The following GALNTL6 variants were observed in gnomAD, a reference collection of about 807,000 sequenced individuals.
GALNTL6 encodes polypeptide N-acetylgalactosaminyltransferase-like 6.
GALNTL6 carries 46 observed loss-of-function variants against 73.7 expected under a neutral mutation model. The observed-to-expected ratio is 0.62, with a 90% CI of 0.49 to 0.80. The LOEUF (loss-of-function observed/expected upper bound fraction) is 0.80, where lower values mean the gene tolerates loss of function less well. Ranked by LOEUF, GALNTL6 falls within the 30% of genes least tolerant of loss-of-function variation. GALNTL6 has a pLI of 0.00. For missense variants in GALNTL6, 604 were observed against 755.0 expected (o/e 0.80, Z 2.34); for synonymous variants, 259 against 263.7 (o/e 0.98, Z 0.17).
chr4:173,000,584 C>G (rs917271504), intron 10 of GALNTL6, among the ~76,000 whole-genome samples: 7 of 152,074 alleles, frequency 4.6e-5, no homozygotes, highest in African/African-American at 1.7e-4. Flanking sequence ...CTCAAAGGAA[C>G]CTGAATAATG....
intron 5 of GALNTL6, among the ~76,000 whole-genome samples, chr4:172,584,531 G>A (rs1016324238): frequency 2.0e-5 from 3 of 152,112 alleles, no homozygotes; most frequent in Non-Finnish European, 2.9e-5. Context: ...TGAAGAGAAG[G>A]GGATAGATAG....
chr4:172,184,848 T>G (rs1735369055), intron 2 of GALNTL6, among the ~76,000 whole-genome samples: 2 of 152,174 alleles, frequency 1.3e-5, no homozygotes, highest in African/African-American at 4.8e-5. Flanking sequence ...AGAGAGAGTG[T>G]GTTTTAAAGG....
chr4:171,859,389 C>T (rs1005087049), intron 2 of GALNTL6, among the ~76,000 whole-genome samples: 2 of 152,094 alleles, frequency 1.3e-5, no homozygotes, highest in Non-Finnish European at 2.9e-5. Context: ...GAACAATCTT[C>T]ACTCATCCAT....
At chr4:172,041,087 GT>G (rs1249681565) in intron 2 of GALNTL6, among the ~76,000 whole-genome samples, 3 of 151,950 alleles carry the variant, frequency 2.0e-5, no homozygotes, top group Non-Finnish European at 4.4e-5. Flanking sequence ...ATGTCTAATT[GT>G]TTTTTTATTT....
chr4:172,520,961 T>C (rs1734756617), intron 5 of GALNTL6, among the ~76,000 whole-genome samples: 1 of 152,070 alleles, frequency 6.6e-6, no homozygotes, highest in Non-Finnish European at 1.5e-5. Flanking sequence ...AACTTGTTAG[T>C]CAAAAATAGA....
intron 3 of GALNTL6, among the ~76,000 whole-genome samples, chr4:172,276,035 A>G (rs1420285750): frequency 1.3e-5 from 2 of 152,184 alleles, no homozygotes; most frequent in African/African-American, 2.4e-5. Context: ...TGCAATAGTT[A>G]TAATATTTTT....
chr4:171,958,397 C>T (rs1218348118), intron 2 of GALNTL6, among the ~76,000 whole-genome samples: 3 of 151,782 alleles, frequency 2.0e-5, no homozygotes, highest in Admixed American at 6.6e-5. Context: ...TCAGGGTGGA[C>T]GGAATATGCA....
At chr4:172,019,597 G>T (rs1450224747) in intron 2 of GALNTL6, among the ~76,000 whole-genome samples, 2 of 152,040 alleles carry the variant, frequency 1.3e-5, no homozygotes, top group African/African-American at 2.4e-5. Context: ...ATGAAAAAGT[G>T]GTCAACTCAG....
At chr4:172,287,581 T>G (rs1739307959) in intron 3 of GALNTL6, among the ~76,000 whole-genome samples, 1 of 152,200 alleles carries the variant, frequency 6.6e-6, no homozygotes, top group Non-Finnish European at 1.5e-5. Flanking sequence ...AAAAATGTAC[T>G]TGCCAAGTCT....
intron 5 of GALNTL6, among the ~76,000 whole-genome samples, chr4:172,501,530 ATCAG>A (rs1273342086): frequency 7.9e-5 from 12 of 152,142 alleles, no homozygotes; most frequent in African/African-American, 2.7e-4. Flanking sequence ...AAAATTCATC[ATCAG>A]TCAGAATGAG....
chr4:173,004,811 G>A (rs1210766015), intron 10 of GALNTL6, among the ~76,000 whole-genome samples: 1 of 152,112 alleles, frequency 6.6e-6, no homozygotes, highest in East Asian at 1.9e-4. Context: ...GATAGGACTG[G>A]TTCTTTTTTA....
At chr4:171,934,262 G>A (rs900118431) in intron 2 of GALNTL6, among the ~76,000 whole-genome samples, 3 of 152,188 alleles carry the variant, frequency 2.0e-5, no homozygotes, top group Non-Finnish European at 4.4e-5. Flanking sequence ...AATATTTAGG[G>A]GACATTTCAA....
chr4:172,356,109 G>A (rs1742145517), intron 5 of GALNTL6, among the ~76,000 whole-genome samples: 1 of 152,110 alleles, frequency 6.6e-6, no homozygotes, highest in African/African-American at 2.4e-5. Flanking sequence ...GCTTTTAGAA[G>A]CAAAACTGTT....
chr4:172,772,505 C>T (rs187518683), intron 5 of GALNTL6, among the ~76,000 whole-genome samples: 89 of 152,172 alleles, frequency 5.8e-4, no homozygotes, highest in African/African-American at 2.0e-3. Context: ...TATATGTTTC[C>T]GTGGCTCAGG....
chr4:172,667,120 T>A (rs1731708471), intron 5 of GALNTL6: 1 of 152,236 alleles, frequency 6.6e-6, no homozygotes, highest in Non-Finnish European at 1.5e-5. Context: ...AGGCTTTCCC[T>A]ATCATGTCCA....
At chr4:172,286,712 G>T (rs1001032502) in intron 3 of GALNTL6, among the ~76,000 whole-genome samples, 1 of 152,134 alleles carries the variant, frequency 6.6e-6, no homozygotes, top group Non-Finnish European at 1.5e-5. Flanking sequence ...GTTGGGGGAG[G>T]ACGGTGCACA....
At chr4:172,219,881 A>G (rs903427579) in intron 2 of GALNTL6, among the ~76,000 whole-genome samples, 1 of 151,996 alleles carries the variant, frequency 6.6e-6, no homozygotes, top group African/African-American at 2.4e-5. Context: ...ACTTCTGCCT[A>G]AAAAGATGCT....
chr4:172,509,875 G>A lies in GALNTL6; in HGVS notation c.553+161186G>A, dbSNP rs1341138593. On this transcript the variant is annotated intron_variant, in intron 5 of 12. Coordinates refer to ENST00000506823, the MANE Select transcript of GALNTL6 (RefSeq NM_001034845.3). ...AGTATAGTTTGGGGTAAGGTAATGT[G>A]ATGCCTCCAGATTTGTTCTGTTTCC... Among the ~76,000 whole-genome samples, 2 of 55,106 alleles carry A rather than the reference G, an allele frequency of 3.6e-5. 1 individual carries two copies. The highest frequency in any genetic ancestry group is 8.4e-5 in the Non-Finnish European group (2 of 23,840). 36.2% of individuals were successfully genotyped at this position (55,106 alleles called of 152,430 possible).
At chr4:172,106,564 A>G (rs1451168854) in intron 2 of GALNTL6, among the ~76,000 whole-genome samples, 1 of 152,190 alleles carries the variant, frequency 6.6e-6, no homozygotes, top group Non-Finnish European at 1.5e-5. Flanking sequence ...AACCCTCTTG[A>G]GAACTAATGA....
Sources: allele counts gnomAD v4.1 joint callset (sites outside exome capture counted in the v4.1 genomes callset), GRCh38; gene constraint gnomAD v4.1.1; transcripts MANE v1.5; gene names NCBI Gene and HGNC (gene_info 2026-07-23, HGNC 2026-07-21).